PKIG: variants seen among roughly 807,000 people sequenced by gnomAD.
PKIG encodes cAMP-dependent protein kinase inhibitor gamma.
A neutral mutation model predicts 6.8 loss-of-function variants in PKIG; 1 was observed. The observed-to-expected ratio is 0.15, with a 90% CI of 0.05 to 0.69. The LOEUF is 0.69. Ranked by LOEUF, PKIG falls within the 30% of genes least tolerant of loss-of-function variation. The pLI, the probability that PKIG is intolerant of heterozygous loss-of-function variation, is 0.82. For synonymous variants in PKIG, 39 were observed against 43.0 expected (o/e 0.91, Z 0.36); for missense variants, 77 against 104.0 (o/e 0.74, Z 1.13).
chr20:44,610,486 TCTCTCTC>T (rs2065206289), intron 2 of PKIG, among the ~76,000 whole-genome samples: 1 of 110,502 alleles, frequency 9.0e-6, no homozygotes, highest in African/African-American at 3.9e-5. Context: ...CTCTCTCTCT[TCTCTCTC>T]TCTCTCTCAC....
In PKIG at chr20:44,561,317, A is replaced by G. The variant is rs760865016; in HGVS notation, c.-240-21268A>G. Reference sequence around the variant, plus strand: ...GCACCAGTGTATTCCAGCCTGGGTGACAGTGCGAGACTCCGTCTCAAAAAA... The same window carrying G: ...GCACCAGTGTATTCCAGCCTGGGTGGCAGTGCGAGACTCCGTCTCAAAAAA... On this transcript the variant is annotated intron_variant, in intron 1 of 4. Coordinates refer to the PKIG transcript ENST00000372887. 2.3e-4 allele frequency among the ~76,000 whole-genome samples: 35 copies of G among 152,200 alleles called. 1 individual carries two copies. The highest frequency in any genetic ancestry group is 7.9e-4 in the Admixed American group (12 of 15,282).
intron 1 of PKIG, among the ~76,000 whole-genome samples, chr20:44,549,397 C>CT (rs1298915974): frequency 6.6e-6 from 1 of 152,072 alleles, no homozygotes; most frequent in African/African-American, 2.4e-5. Context: ...ATTACACAGT[C>CT]TTTTTTTCTG....
At chr20:44,563,229 A>G (rs1470045021) in intron 1 of PKIG, among the ~76,000 whole-genome samples, 1 of 152,208 alleles carries the variant, frequency 6.6e-6, no homozygotes, top group Non-Finnish European at 1.5e-5. Flanking sequence ...ATGAGAAAGG[A>G]AAAATCATAA....
At chr20:44,545,474 G>A (rs1156854115) in intron 1 of PKIG, among the ~76,000 whole-genome samples, 2 of 152,070 alleles carry the variant, frequency 1.3e-5, no homozygotes, top group African/African-American at 4.8e-5. Flanking sequence ...AAATATTTTT[G>A]TCAAATTAGG....
intron 1 of PKIG, among the ~76,000 whole-genome samples, chr20:44,577,146 G>A (rs1054802802): frequency 1.3e-4 from 19 of 151,556 alleles, no homozygotes; most frequent in African/African-American, 4.6e-4. Flanking sequence ...TTATCATTCT[G>A]TCACCCAGGC....
chr20:44,561,797 G>T (rs1158897274), intron 1 of PKIG, among the ~76,000 whole-genome samples: 1 of 152,072 alleles, frequency 6.6e-6, no homozygotes, highest in Non-Finnish European at 1.5e-5. Flanking sequence ...CAAAATGAGT[G>T]GAGCAAGAAT....
intron 3 of PKIG, among the ~76,000 whole-genome samples, chr20:44,615,299 A>G (rs977800855): frequency 6.6e-6 from 1 of 152,158 alleles, no homozygotes; most frequent in Non-Finnish European, 1.5e-5. Flanking sequence ...TTCTCAGTCA[A>G]GCCTCTCCAA....
chr20:44,550,759 AGC>A (rs2064660385), intron 1 of PKIG, among the ~76,000 whole-genome samples: 2 of 152,160 alleles, frequency 1.3e-5, no homozygotes, highest in Non-Finnish European at 2.9e-5. Flanking sequence ...TGAGGCAGAG[AGC>A]GGGACAGTAA....
intron 1 of PKIG, among the ~76,000 whole-genome samples, chr20:44,543,785 CT>C (rs997760893): frequency 6.6e-6 from 1 of 152,072 alleles, no homozygotes; most frequent in Non-Finnish European, 1.5e-5. Context: ...GGCGCGGTGG[CT>C]TACACCCGTA....
chr20:44,581,949 AC>A (rs1011825285), upstream of PKIG, among the ~76,000 whole-genome samples: 3 of 152,160 alleles, frequency 2.0e-5, no homozygotes, highest in Admixed American at 1.3e-4. Context: ...TGATAGGGAA[AC>A]TGAGGTCCAG....
intron 1 of PKIG, among the ~76,000 whole-genome samples, chr20:44,551,423 C>T (rs185593610): frequency 4.7e-4 from 72 of 152,280 alleles, no homozygotes; most frequent in Non-Finnish European, 7.4e-4. Context: ...TGCAAAAGTA[C>T]TTTGCTACAG....
intron 2 of PKIG, among the ~76,000 whole-genome samples, chr20:44,592,662 A>T (rs1472010553): frequency 6.6e-6 from 1 of 152,174 alleles, no homozygotes. Flanking sequence ...AATCTGGTTT[A>T]CCGTGGACAC....
At chr20:44,556,953 C>G (rs1217103161) in intron 1 of PKIG, among the ~76,000 whole-genome samples, 1 of 152,100 alleles carries the variant, frequency 6.6e-6, no homozygotes, top group South Asian at 2.1e-4. Context: ...ATTATTCAAG[C>G]CTTCCAGGAT....
Position 44,614,381 on chromosome 20 carries a change from G to T in PKIG, c.-23-153G>T. 1.7e-6 allele frequency: 1 copy of T among 580,544 alleles called. No individual in the cohort carries two copies. Among genetic ancestry groups the T allele is most frequent in the Non-Finnish European group, 3.0e-6 (1 of 329,422 alleles). The allele number at this position is 580,544 out of a possible 1,614,324, so 36.0% of individuals were successfully genotyped here. A position where few individuals can be genotyped will look rare whatever the true frequency, so the allele number is the denominator to read the frequency against. On this transcript the variant is annotated intron_variant, in intron 2 of 3. Coordinates refer to ENST00000372886, the MANE Select transcript of PKIG (RefSeq NM_001281445.2). The surrounding 1 kb of genome is among the most constrained non-coding windows in gnomAD (Gnocchi z 4.6). ...TGTGGAATTATGAGTGACTTGTTTT[G>T]TTCTTTGTACTTTTCTGTGCTTTTT...
chr20:44,599,251 T>G (rs1299104213), intron 2 of PKIG, among the ~76,000 whole-genome samples: 2 of 152,184 alleles, frequency 1.3e-5, no homozygotes, highest in African/African-American at 4.8e-5. Flanking sequence ...ATAATACTAA[T>G]TCACTCCCCT....
At chr20:44,567,340 C>T (rs2064818783) in intron 1 of PKIG, among the ~76,000 whole-genome samples, 1 of 152,174 alleles carries the variant, frequency 6.6e-6, no homozygotes, top group Admixed American at 6.5e-5. Flanking sequence ...ATTGTCTCAC[C>T]AAAGCTCCTT....
At position 44,543,957 on chromosome 20, in the gene PKIG, G is replaced by A. The variant is rs563303725; in HGVS notation, c.-241+11979G>A. Among the ~76,000 whole-genome samples the A allele has an allele frequency of 1.1e-4, 17 of 151,980 alleles. No homozygotes were observed. The South Asian group carries it at 1.7e-3, about 15-fold the overall frequency. ...TAGACGCCTGTAGTCCCAGCTACTC[G>A]GGAGGCTGAGGCAGGAGAATCGCTT... On this transcript the variant is annotated intron_variant, in intron 1 of 4. Transcript: ENST00000372887.
At chr20:44,593,889 A>G (rs1283640881) in intron 2 of PKIG, among the ~76,000 whole-genome samples, 1 of 152,242 alleles carries the variant, frequency 6.6e-6, no homozygotes. Context: ...AAAAATTTAA[A>G]GAATCTGCCC....
In PKIG at chr20:44,563,056, A is replaced by G. The variant is rs76224531; in HGVS notation, c.-240-19529A>G. Among the ~76,000 whole-genome samples the G allele has an allele frequency of 7.4e-3, 1,131 of 152,304 alleles. 15 individuals are homozygous for G. Among genetic ancestry groups the G allele is most frequent in the African/African-American group, 0.025 (1,051 of 41,556 alleles). ...AAGAATGAGACTCCATTTAAAAAAA[A>G]ACAGAAACCAAATGGAATCAGCAGT... On this transcript the variant is annotated intron_variant, in intron 1 of 4. Transcript: ENST00000372887.
Sources: allele counts gnomAD v4.1 joint callset (sites outside exome capture counted in the v4.1 genomes callset), GRCh38; gene constraint gnomAD v4.1.1; non-coding constraint Gnocchi (gnomAD v3.1); transcripts MANE v1.5; gene names NCBI Gene and HGNC (gene_info 2026-07-23, HGNC 2026-07-21).